The following ITCH variants were observed in gnomAD, a reference collection of about 807,000 sequenced individuals.
The protein encoded by ITCH is itchy E3 ubiquitin protein ligase.
ITCH carries 28 observed loss-of-function variants against 126.8 expected under a neutral mutation model. That is an observed-to-expected ratio of 0.22 (90% CI 0.16 to 0.30). The LOEUF is 0.30. Ranked by LOEUF, ITCH falls within the 10% of genes least tolerant of loss-of-function variation. The pLI is 1.00. For synonymous variants in ITCH, 342 were observed against 340.0 expected (o/e 1.01, Z -0.06); for missense variants, 631 against 1,032.4 (o/e 0.61, Z 5.33).
intron 7 of ITCH, among the ~76,000 whole-genome samples, chr20:34,436,504 G>A (rs1983023437): frequency 6.6e-6 from 1 of 152,226 alleles, no homozygotes; most frequent in African/African-American, 2.4e-5. Flanking sequence ...AAGAGAAGCA[G>A]TGTCAAAGCT....
intron 14 of ITCH, among the ~76,000 whole-genome samples, chr20:34,469,031 C>T (rs1301367218): frequency 6.6e-6 from 1 of 152,136 alleles, no homozygotes; most frequent in African/African-American, 2.4e-5. Flanking sequence ...GGAGATAATG[C>T]AGTGGTATTA....
At chr20:34,430,519 A>G (rs1982142323) in intron 7 of ITCH, among the ~76,000 whole-genome samples, 1 of 152,024 alleles carries the variant, frequency 6.6e-6, no homozygotes, top group Non-Finnish European at 1.5e-5. Context: ...TGTCGCCCAG[A>G]TGGGAATGCA....
intron 22 of ITCH, among the ~76,000 whole-genome samples, chr20:34,490,872 T>TA (rs1989459947): frequency 6.6e-6 from 1 of 152,194 alleles, no homozygotes; most frequent in Non-Finnish European, 1.5e-5. Context: ...CTTAAACAGA[T>TA]ACTTGTACAC....
At chr20:34,477,177 C>G (rs1988307659) in intron 16 of ITCH, among the ~76,000 whole-genome samples, 1 of 152,020 alleles carries the variant, frequency 6.6e-6, no homozygotes, top group African/African-American at 2.4e-5. Flanking sequence ...CTGACCATGC[C>G]CATCTATGTT....
chr20:34,471,673 GGTGTGTGTGTGTGT>G (rs10606931), intron 16 of ITCH, among the ~76,000 whole-genome samples, 158 bp downstream of exon 16: 4 of 69,374 alleles, frequency 5.8e-5, no homozygotes, highest in South Asian at 4.8e-4. Flanking sequence ...GGGCTTAAGG[GGTGTGTGTGTGTGT>G]GTGTGTGTGT....
intron 14 of ITCH, among the ~76,000 whole-genome samples, chr20:34,463,891 A>G (rs1253043813): frequency 6.6e-6 from 1 of 151,152 alleles, no homozygotes; most frequent in African/African-American, 2.4e-5. Flanking sequence ...ATTTTCTCCC[A>G]TTCTGTGGTT....
intron 7 of ITCH, among the ~76,000 whole-genome samples, chr20:34,437,475 T>G (rs990581904): frequency 6.6e-6 from 1 of 152,126 alleles, no homozygotes; most frequent in Non-Finnish European, 1.5e-5. Flanking sequence ...CCAGCTACTT[T>G]TTAAATTTTT....
chr20:34,403,706 G>C (rs1174379012), intron 3 of ITCH, among the ~76,000 whole-genome samples: 1 of 152,120 alleles, frequency 6.6e-6, no homozygotes, highest in Admixed American at 6.5e-5. Context: ...CTGGAAGCAT[G>C]GAGGTGGAAA....
intron 6 of ITCH, among the ~76,000 whole-genome samples, chr20:34,423,242 C>G (rs180999746): frequency 5.5e-4 from 83 of 152,158 alleles, no homozygotes; most frequent in African/African-American, 1.8e-3. Flanking sequence ...TTAGTTTGTT[C>G]TCTTTTATTA....
intron 2 of ITCH, among the ~76,000 whole-genome samples, chr20:34,372,072 T>C: frequency 6.6e-6 from 1 of 151,912 alleles, no homozygotes; most frequent in South Asian, 2.1e-4. Context: ...TTTGGGAGGC[T>C]GAGGCGGGCG....
At chr20:34,431,408 T>TG (rs946384919) in intron 7 of ITCH, among the ~76,000 whole-genome samples, 2 of 151,862 alleles carry the variant, frequency 1.3e-5, no homozygotes, top group African/African-American at 4.8e-5. Context: ...GCAAGACTCT[T>TG]GTCTTTAAAA....
intron 23 of ITCH, among the ~76,000 whole-genome samples, chr20:34,496,664 G>A (rs1482450796): frequency 1.3e-5 from 2 of 151,894 alleles, no homozygotes; most frequent in African/African-American, 4.8e-5. Flanking sequence ...TTAGCTGGGC[G>A]TGGTGGCGCG....
chr20:34,464,462 G>A (rs1298616152), intron 14 of ITCH, among the ~76,000 whole-genome samples: 1 of 151,834 alleles, frequency 6.6e-6, no homozygotes, highest in Non-Finnish European at 1.5e-5. Flanking sequence ...GAGTCGCTGG[G>A]ATTATAGGCA....
At chr20:34,458,028 A>T in intron 13 of ITCH, among the ~76,000 whole-genome samples, 1 of 152,308 alleles carries the variant, frequency 6.6e-6, no homozygotes, top group East Asian at 1.9e-4. Flanking sequence ...TATTATTTTT[A>T]ATTACTAAGA....
chr20:34,376,482 C>T (rs1178749428), intron 2 of ITCH, among the ~76,000 whole-genome samples: 1 of 151,094 alleles, frequency 6.6e-6, no homozygotes, highest in Admixed American at 6.6e-5. Context: ...ATAAATAAAA[C>T]AGTTCAAACA....
intron 17 of ITCH, 140 bp from the exon 18 acceptor site, chr20:34,479,490 C>G (rs1184304320): frequency 1.5e-6 from 1 of 688,444 alleles, no homozygotes; most frequent in African/African-American, 1.8e-5. Context: ...TGAGTTTGAA[C>G]AGAAGCAATA....
chr20:34,369,524 G>A (rs2037540734), intron 2 of ITCH, 54 bp downstream of exon 2: 3 of 397,076 alleles, frequency 7.6e-6, no homozygotes, highest in Non-Finnish European at 1.3e-5. Flanking sequence ...CAGAGGCCAA[G>A]CTCTGGTCTT....
At chr20:34,414,935 C>T (rs1480115607) in intron 6 of ITCH, among the ~76,000 whole-genome samples, 1 of 152,172 alleles carries the variant, frequency 6.6e-6, no homozygotes, top group Admixed American at 6.5e-5. Flanking sequence ...CTCTGATTTA[C>T]TAGTGTGTGT....
chr20:34,510,911 T>C lies in ITCH; in HGVS notation c.*3117T>C, dbSNP rs1342056959. The C allele has an allele frequency of 2.6e-5, 4 of 152,168 alleles. No homozygotes were observed. Among genetic ancestry groups the C allele is most frequent in the Non-Finnish European group, 5.9e-5 (4 of 68,042 alleles). 9.4% of individuals were successfully genotyped at this position (152,168 alleles called of 1,614,324 possible). ...ATTTTAGTGAAACTTGACTCAACTA[T>C]ACACAAAGTTCTCATCCTAAATGAA... On this transcript the variant is annotated 3_prime_UTR_variant, in exon 25 of 25. Transcript: ENST00000374864.
Sources: gnomAD v4.1 joint callset for allele counts (sites outside exome capture counted in the v4.1 genomes callset) on GRCh38, gnomAD v4.1.1 for gene constraint, MANE v1.5 for transcripts, NCBI Gene and HGNC (gene_info 2026-07-23, HGNC 2026-07-21) for gene names.